The following CCDC3 variants were observed in gnomAD, a reference collection of about 807,000 sequenced individuals.
CCDC3 encodes the protein coiled-coil domain containing 3.
A neutral mutation model predicts 21.4 loss-of-function variants in CCDC3; 24 were observed. That is an observed-to-expected ratio of 1.12 (90% CI 0.81 to 1.58). CCDC3 has a LOEUF of 1.58. Ranked by LOEUF, CCDC3 falls within the 40% of genes most tolerant of loss-of-function variation. The probability of loss-of-function intolerance (pLI) is 0.00; values close to 1 mark genes in which losing one functional copy is unlikely to be tolerated. For missense variants in CCDC3, 425 were observed against 360.9 expected (o/e 1.18, Z -1.44); for synonymous variants, 186 against 166.0 (o/e 1.12, Z -0.93).
intron 5 of CCDC3, among the ~76,000 whole-genome samples, chr10:13,025,289 T>C (rs1056713754): frequency 1.3e-5 from 2 of 152,176 alleles, no homozygotes; most frequent in Non-Finnish European, 2.9e-5. Flanking sequence ...ACATGGCAGA[T>C]TGGTTCCAAG....
At position 13,001,178 on chromosome 10, in the gene CCDC3, G is replaced by A. The variant is rs1271317120; in HGVS notation, c.374+19C>T. On this transcript the variant is annotated intron_variant, in intron 1 of 2. Transcript: ENST00000378825. Reference sequence around the variant, plus strand: ...GGCGCAGAGAGAGAGAGAGGTGGCGGCGGCGCCGCCGGGCTCACCTGAGGA... The same window carrying A: ...GGCGCAGAGAGAGAGAGAGGTGGCGACGGCGCCGCCGGGCTCACCTGAGGA... 1 of 1,544,106 alleles carries A rather than the reference G, an allele frequency of 6.5e-7. No homozygotes were observed.
At chr10:13,097,646 C>T (rs1373395009) in intron 3 of CCDC3, among the ~76,000 whole-genome samples, 3 of 152,186 alleles carry the variant, frequency 2.0e-5, no homozygotes, top group African/African-American at 7.2e-5. Context: ...ATCACTCAAA[C>T]CCAGGAGGTG....
chr10:13,088,996 T>A (rs1454776710), intron 3 of CCDC3, among the ~76,000 whole-genome samples: 1 of 147,430 alleles, frequency 6.8e-6, no homozygotes, highest in Non-Finnish European at 1.5e-5. Context: ...GGTGACAGAG[T>A]GAGACTGTCT....
chr10:12,912,575 CTG>C (rs1207546982), intron 2 of CCDC3, among the ~76,000 whole-genome samples: 1 of 151,956 alleles, frequency 6.6e-6, no homozygotes, highest in Non-Finnish European at 1.5e-5. Context: ...TTTTTTCACT[CTG>C]TTGATCATTT....
At chr10:12,955,789 C>T (rs529943364) in intron 2 of CCDC3, among the ~76,000 whole-genome samples, 1 of 152,190 alleles carries the variant, frequency 6.6e-6, no homozygotes, top group Non-Finnish European at 1.5e-5. Flanking sequence ...GTCACCCAGG[C>T]TGGAGTGCAG....
At chr10:13,044,376 T>A (rs906901231) in intron 5 of CCDC3, among the ~76,000 whole-genome samples, 7 of 152,244 alleles carry the variant, frequency 4.6e-5, no homozygotes, top group Admixed American at 6.5e-5. Context: ...TGTCAATTTT[T>A]GGTCTTGTTG....
upstream of CCDC3, chr10:13,099,960 T>C (rs1832698128): frequency 7.0e-6 from 1 of 143,002 alleles, no homozygotes; most frequent in African/African-American, 2.6e-5. Context: ...ACAGCGAGGG[T>C]GGGTAGCTGG....
At chr10:12,977,355 G>C (rs1835432842) in intron 2 of CCDC3, among the ~76,000 whole-genome samples, 1 of 152,124 alleles carries the variant, frequency 6.6e-6, no homozygotes, top group Non-Finnish European at 1.5e-5. Flanking sequence ...AAAGTGTCGT[G>C]TCTTTAAGAG....
intron 2 of CCDC3, among the ~76,000 whole-genome samples, chr10:12,928,728 G>A (rs1269912811): frequency 2.0e-5 from 3 of 152,236 alleles, no homozygotes; most frequent in African/African-American, 4.8e-5. Flanking sequence ...TGGTGGGGTA[G>A]GGTGGAGTGT....
intron 2 of CCDC3, among the ~76,000 whole-genome samples, chr10:12,949,153 T>A (rs1008369754): frequency 2.0e-5 from 3 of 152,146 alleles, no homozygotes; most frequent in Non-Finnish European, 4.4e-5. Context: ...CAGACACAAC[T>A]GCCAGTGTTC....
At chr10:12,919,403 A>C (rs1834411107) in intron 2 of CCDC3, among the ~76,000 whole-genome samples, 1 of 152,074 alleles carries the variant, frequency 6.6e-6, no homozygotes. Flanking sequence ...CAGCCTGGCC[A>C]ACATGGTGAA....
intron 2 of CCDC3, among the ~76,000 whole-genome samples, chr10:12,996,235 C>G (rs549047468): frequency 1.3e-5 from 2 of 152,254 alleles, no homozygotes; most frequent in Non-Finnish European, 2.9e-5. Flanking sequence ...ACATTGGGAG[C>G]AAACTACATG....
At position 12,965,381 on chromosome 10, in the gene CCDC3, C is replaced by T. The variant is rs1225762424; in HGVS notation, c.549+32957G>A. On this transcript the variant is annotated intron_variant, in intron 2 of 2. Transcript: ENST00000378825. Reference sequence around the variant, plus strand: ...AATTAGAGGGAAAATCTTCTCCCTCCTCCCTCCCAAAGGACTTCCAAACAT... The same window carrying T: ...AATTAGAGGGAAAATCTTCTCCCTCTTCCCTCCCAAAGGACTTCCAAACAT... 2.0e-5 allele frequency among the ~76,000 whole-genome samples: 3 copies of T among 152,262 alleles called. No individual in the cohort carries two copies. The South Asian group carries it at 6.2e-4, about 32-fold the overall frequency.
intron 2 of CCDC3, among the ~76,000 whole-genome samples, chr10:12,917,069 G>A (rs188349653): frequency 9.9e-5 from 15 of 152,164 alleles, no homozygotes; most frequent in South Asian, 2.1e-4. Flanking sequence ...GGTCTGAGGC[G>A]AAGTCCAGAG....
chr10:12,932,429 G>A (rs993505931), intron 2 of CCDC3, among the ~76,000 whole-genome samples: 13 of 152,064 alleles, frequency 8.5e-5, no homozygotes, highest in African/African-American at 2.7e-4. Flanking sequence ...ATTGAATATT[G>A]GAGTATGGTT....
intron 2 of CCDC3, among the ~76,000 whole-genome samples, chr10:12,923,490 A>G (rs1834485844): frequency 6.6e-6 from 1 of 152,092 alleles, no homozygotes; most frequent in African/African-American, 2.4e-5. Context: ...ACCTTCACAA[A>G]GCCAGTCCTG....
chr10:13,098,209 G>A (rs868718055), intron 3 of CCDC3, among the ~76,000 whole-genome samples: 2 of 151,768 alleles, frequency 1.3e-5, no homozygotes, highest in Non-Finnish European at 2.9e-5. Flanking sequence ...AACTCACCTC[G>A]AGCCTCCCAC....
intron 2 of CCDC3, among the ~76,000 whole-genome samples, chr10:12,901,466 G>A (rs1309794313): frequency 6.6e-6 from 1 of 151,956 alleles, no homozygotes. Flanking sequence ...GTAGAGATGG[G>A]GTTTCACCAT....
chr10:12,909,848 G>C (rs1288064354), intron 2 of CCDC3, among the ~76,000 whole-genome samples: 1 of 152,190 alleles, frequency 6.6e-6, no homozygotes, highest in East Asian at 1.9e-4. Context: ...TCAGGGTCTA[G>C]GGTATTGGGT....
Sources: allele counts gnomAD v4.1 joint callset (sites outside exome capture counted in the v4.1 genomes callset), GRCh38; gene constraint gnomAD v4.1.1; transcripts MANE v1.5; gene names NCBI Gene and HGNC (gene_info 2026-07-23, HGNC 2026-07-21).